Variants in BCLAF1 observed in about 807,000 individuals in gnomAD.
The protein encoded by BCLAF1 is bcl-2-associated transcription factor 1.
In BCLAF1, 10 loss-of-function variants were observed where a neutral mutation model predicts 99.5. That is an observed-to-expected ratio of 0.10 (90% CI 0.06 to 0.17). BCLAF1 has a LOEUF of 0.17. BCLAF1 is among the 10% of genes least tolerant of loss of function. BCLAF1 has a pLI of 1.00. For missense variants in BCLAF1, 636 were observed against 1,105.8 expected (o/e 0.58, Z 6.02); for synonymous variants, 255 against 370.9 (o/e 0.69, Z 3.59).
At chr6:136,271,003 C>T (rs1425636863) in intron 8 of BCLAF1, among the ~76,000 whole-genome samples, 1 of 151,574 alleles carries the variant, frequency 6.6e-6, no homozygotes, top group Non-Finnish European at 1.5e-5. Context: ...CAAAAAAAAA[C>T]CTTGTTTGTA....
At chr6:136,286,738 C>T (rs1293205898) in intron 1 of BCLAF1, among the ~76,000 whole-genome samples, 2 of 152,116 alleles carry the variant, frequency 1.3e-5, no homozygotes, top group African/African-American at 2.4e-5. Context: ...GAGGGCGAGG[C>T]GGGCGGATCA....
chr6:136,288,121 G>C (rs1365243466), intron 1 of BCLAF1, among the ~76,000 whole-genome samples: 2 of 152,194 alleles, frequency 1.3e-5, no homozygotes, highest in African/African-American at 4.8e-5. Flanking sequence ...AAGTCAAGAA[G>C]GGCTCTGGCT....
rs756230299 is a variant in BCLAF1 at position 136,269,621 on chromosome 6, G to A, written c.2044-9C>T. 1.3e-6 allele frequency: 2 copies of A among 1,571,474 alleles called. No individual in the cohort carries two copies. Among genetic ancestry groups the A allele is most frequent in the East Asian group, 2.3e-5 (1 of 44,200 alleles). On this transcript the variant is annotated splice_polypyrimidine_tract_variant and intron_variant, in intron 8 of 12. Transcript: ENST00000531224. Reference sequence around the variant, plus strand: ...CTTAATTTTTTATCTCCCTATAAAAGACAGATATAAAATACAGATTTCAGG... The same window carrying A: ...CTTAATTTTTTATCTCCCTATAAAAAACAGATATAAAATACAGATTTCAGG...
chr6:136,260,516 C>G lies in BCLAF1; in HGVS notation c.*594G>C, dbSNP rs1222546351. ...TCAATCTGATTTTTAATAGCTTGTA[C>G]TTTTTAGCTATTGGCAAAGCTTTTT... On this transcript the variant is annotated 3_prime_UTR_variant, in exon 13 of 13. Coordinates refer to ENST00000531224, the MANE Select transcript of BCLAF1 (RefSeq NM_014739.3). 3 of 152,138 alleles carry G rather than the reference C, an allele frequency of 2.0e-5. No individual in the cohort carries two copies. The highest frequency in any genetic ancestry group is 4.4e-5 in the Non-Finnish European group (3 of 67,868). 9.4% of individuals were successfully genotyped at this position (152,138 alleles called of 1,614,324 possible).
In BCLAF1 at chr6:136,268,198, T is replaced by A. The variant is rs761727898; in HGVS notation, c.2361A>T (p.Ser787=). 10 of 1,558,126 alleles carry A rather than the reference T, an allele frequency of 6.4e-6. No homozygotes were observed. The highest frequency in any genetic ancestry group is 4.2e-5 in the Admixed American group (2 of 47,206). The change falls in exon 10 of 13, where the codon TCA becomes TCT. Residue 787 remains serine, a synonymous_variant. Coordinates refer to ENST00000531224, the MANE Select transcript of BCLAF1 (RefSeq NM_014739.3). ...FKTHHEMKEY[S]GFAGVSRPRG... ...GTGGTCGGCTAACTCCTGCAAAGCC[T>A]GAGTATTCTTTCATTTCATGGTGAG...
intron 2 of BCLAF1, among the ~76,000 whole-genome samples, chr6:136,280,606 GA>G (rs978635676): frequency 1.4e-5 from 2 of 144,576 alleles, no homozygotes; most frequent in Admixed American, 6.8e-5. Context: ...AGAACTACAA[GA>G]AAAAAAAAAC....
rs1780599560 is a variant in BCLAF1, at chr6:136,258,433, C to CA, written c.*2676dup. 1 of 150,826 alleles carries CA rather than the reference C, an allele frequency of 6.6e-6. No individual in the cohort carries two copies. The highest frequency in any genetic ancestry group is 2.1e-4 in the South Asian group (1 of 4,812). The allele number at this position is 150,826 out of a possible 1,614,324, so 9.3% of individuals were successfully genotyped here. A position where few individuals can be genotyped will look rare whatever the true frequency, so the allele number is the denominator to read the frequency against. On this transcript the variant is annotated 3_prime_UTR_variant, in exon 13 of 13. Coordinates refer to ENST00000531224, the MANE Select transcript of BCLAF1 (RefSeq NM_014739.3). ...AAACAAAAACAAAAACAAGACAAAA[C>CA]AAAAAAACAGTAAAGAAAGGTTTGA...
At chr6:136,282,220 T>C (rs1784467059) in intron 2 of BCLAF1, among the ~76,000 whole-genome samples, 1 of 152,180 alleles carries the variant, frequency 6.6e-6, no homozygotes, top group African/African-American at 2.4e-5. Flanking sequence ...TCTAACACAT[T>C]AGCAATCAAT....
rs746454019 is a variant in BCLAF1, at chr6:136,276,453, T to C, written c.1072A>G (p.Lys358Glu). 1 of 1,538,190 alleles carries C rather than the reference T, an allele frequency of 6.5e-7. No homozygotes were observed. Among genetic ancestry groups the C allele is most frequent in the Non-Finnish European group, 8.7e-7 (1 of 1,153,538 alleles). Residue 358 changes from lysine (K) to glutamate (E), a missense_variant, in exon 5 of 13, where the codon AAA (lysine) becomes GAA (glutamate). By Grantham distance (56) the Lys-to-Glu change is moderately conservative (BLOSUM62 1). Transcript: ENST00000531224. ...GATCCTTTCTCTTTTGAAGCCTCTTTATCCCTGGTATTACCCCTATCAAGC... is the reference window on the plus strand; with the variant it reads ...GATCCTTTCTCTTTTGAAGCCTCTTCATCCCTGGTATTACCCCTATCAAGC... ...FLLDRGNTRD[K>E]EASKEKGSEK...
At chr6:136,289,445 G>A (rs982529362) in intron 1 of BCLAF1, among the ~76,000 whole-genome samples, 1 of 152,154 alleles carries the variant, frequency 6.6e-6, no homozygotes, top group Non-Finnish European at 1.5e-5. Context: ...CGCACGGGAG[G>A]CCGCGCGGGC....
intron 10 of BCLAF1, 72 bp downstream of exon 10, chr6:136,268,090 T>G: frequency 7.5e-7 from 1 of 1,331,898 alleles, no homozygotes; most frequent in Non-Finnish European, 1.0e-6. Flanking sequence ...AAATCATGTA[T>G]ATGACCTTCC....
chr6:136,271,925 A>G (rs1450145264), intron 8 of BCLAF1, 70 bp downstream of exon 8: 14 of 1,151,064 alleles, frequency 1.2e-5, no homozygotes, highest in Non-Finnish European at 1.7e-5. Context: ...GCCTTGAGAA[A>G]CTATATTTGG....
At chr6:136,282,937 G>A (rs1457752058) in intron 1 of BCLAF1, among the ~76,000 whole-genome samples, 5 of 151,788 alleles carry the variant, frequency 3.3e-5, no homozygotes, top group Non-Finnish European at 7.4e-5. Flanking sequence ...TCTAATTTTA[G>A]TAATTTGAGC....
rs775862489 is a variant in BCLAF1 at position 136,277,870 on chromosome 6, T to A, written c.1011A>T (p.Leu337Phe). The change falls in exon 4 of 13, where the codon TTA becomes TTT. Residue 337 changes from leucine (L) to phenylalanine (F), a missense_variant. By Grantham distance (22) the Leu-to-Phe change is conservative. Transcript: ENST00000531224. The stretch of plus-strand genomic sequence containing the variant: ...TTCTGTATTTTAGTTTTTACCTTTT[T>A]AAGAACTTCCCAGTCTTTGCAGTTT... ...DQETAKTGKF[L>F]KRFTDEESRV... The A allele has an allele frequency of 1.2e-6, 2 of 1,605,576 alleles. No individual in the cohort carries two copies. Among genetic ancestry groups the A allele is most frequent in the South Asian group, 1.1e-5 (1 of 90,500 alleles).
At chr6:136,273,893 G>A in intron 6 of BCLAF1, 1 of 888,058 alleles carries the variant, frequency 1.1e-6, no homozygotes. Context: ...AAAGTCATGA[G>A]CTATGAAATG....
intron 6 of BCLAF1, 52 bp from the exon 7 acceptor site, chr6:136,273,239 G>C (rs1782792272): frequency 1.3e-6 from 2 of 1,504,064 alleles, no homozygotes; most frequent in East Asian, 4.5e-5. Flanking sequence ...CTTTAAGAGA[G>C]ATTTGTTTGT....
In BCLAF1 at chr6:136,269,421, C is replaced by G; in HGVS notation, c.2219+16G>C. The G allele has an allele frequency of 6.3e-7, 1 of 1,598,946 alleles. No individual in the cohort carries two copies. The highest frequency in any genetic ancestry group is 8.5e-7 in the Non-Finnish European group (1 of 1,173,854). ...ATTAGAAGCTAAAACCTATCTTAGT[C>G]AGTTTGAACAATTACCTGTCATCTT... On this transcript the variant is annotated intron_variant, in intron 9 of 12. Transcript: ENST00000531224.
intron 6 of BCLAF1, chr6:136,273,402 C>T (rs901012528): frequency 2.1e-6 from 1 of 480,666 alleles, no homozygotes; most frequent in Non-Finnish European, 3.7e-6. Flanking sequence ...GTCAATACTA[C>T]ATCTAATCCA....
rs1231327036 is a variant in BCLAF1, at chr6:136,269,541, A to C, written c.2115T>G (p.Ser705Arg). The change falls in exon 9 of 13, where the codon AGT becomes AGG. Residue 705 changes from serine to arginine, a missense_variant. Physicochemically the swap from Ser to Arg is moderately radical, Grantham distance 110. This residue lies in a region of BCLAF1 where 180 missense variants were observed against 270.0 expected (regional missense o/e 0.67). Transcript: ENST00000531224. ...AGCCCTTGGAATCTCCCCGTTCTTTACTTCTTTCTTTTCTACGGCGATCAA... is the reference window on the plus strand; with the variant it reads ...AGCCCTTGGAATCTCCCCGTTCTTTCCTTCTTTCTTTTCTACGGCGATCAA... ...HDIDRRRKER[S>R]KERGDSKGSR... The C allele has an allele frequency of 6.2e-7, 1 of 1,612,288 alleles. No homozygotes were observed. The highest frequency in any genetic ancestry group is 1.7e-5 in the Admixed American group (1 of 59,750).
Sources: allele counts gnomAD v4.1 joint callset (sites outside exome capture counted in the v4.1 genomes callset), GRCh38; gene constraint gnomAD v4.1.1; regional missense constraint gnomAD v4.1.1; transcripts MANE v1.5; gene names NCBI Gene and HGNC (gene_info 2026-07-23, HGNC 2026-07-21).